Variants in CSMD1 observed in about 807,000 individuals in gnomAD.
CSMD1 encodes the protein CUB and Sushi multiple domains 1.
In CSMD1, 213 loss-of-function variants were observed where a neutral mutation model predicts 417.5. The ratio of observed to expected loss-of-function variants is 0.51; its 90% CI spans 0.46 to 0.57. The LOEUF is 0.57. CSMD1 is among the 20% of genes least tolerant of loss of function. The probability of loss-of-function intolerance (pLI) is 0.00; values close to 1 mark genes in which losing one functional copy is unlikely to be tolerated. For missense variants in CSMD1, 6,923 were observed against 4,529.7 expected (o/e 1.53, Z -15.17); for synonymous variants, 2,862 against 1,736.8 (o/e 1.65, Z -16.11).
chr8:4,840,362 T>C (rs1424277310), intron 1 of CSMD1, among the ~76,000 whole-genome samples: 2 of 152,236 alleles, frequency 1.3e-5, no homozygotes, highest in African/African-American at 4.8e-5. Flanking sequence ...GATAACTGTA[T>C]GAAACTAGCC....
intron 3 of CSMD1, among the ~76,000 whole-genome samples, chr8:4,257,781 T>G (rs932415151): frequency 6.6e-6 from 1 of 152,180 alleles, no homozygotes; most frequent in African/African-American, 2.4e-5. Flanking sequence ...ATCCGCCTCG[T>G]AGGAATGCCA....
At chr8:3,734,656 A>C (rs1017477781) in intron 6 of CSMD1, among the ~76,000 whole-genome samples, 1 of 152,180 alleles carries the variant, frequency 6.6e-6, no homozygotes, top group Non-Finnish European at 1.5e-5. Context: ...GGTCGCAGTG[A>C]GCCAAAACTA....
Position 3,722,181 on chromosome 8 carries a change from C to T in CSMD1, c.932-13690G>A, listed in dbSNP as rs377437540. 5.3e-5 allele frequency among the ~76,000 whole-genome samples: 8 copies of T among 152,242 alleles called. No homozygotes were observed. In the East Asian group the frequency reaches 1.6e-3, roughly 30 times the overall value. ...AAAATTAGCTGGGCATGGTGGCTGG[C>T]ACCTGCAGGCCCACCTACTCGGGAG... On this transcript the variant is annotated intron_variant, in intron 6 of 69. Coordinates refer to ENST00000635120, the MANE Select transcript of CSMD1 (RefSeq NM_033225.6).
intron 18 of CSMD1, among the ~76,000 whole-genome samples, chr8:3,379,591 C>G (rs1585078209): frequency 6.6e-6 from 1 of 152,228 alleles, no homozygotes; most frequent in East Asian, 1.9e-4. Flanking sequence ...TGAAATAACA[C>G]CACATATCTA....
intron 10 of CSMD1, among the ~76,000 whole-genome samples, chr8:3,522,736 G>A (rs1353339398): frequency 6.6e-6 from 1 of 151,846 alleles, no homozygotes; most frequent in African/African-American, 2.4e-5. Context: ...TTAATATGTG[G>A]CATTCGGGAA....
intron 7 of CSMD1, among the ~76,000 whole-genome samples, chr8:3,672,444 G>C (rs541797444): frequency 7.9e-5 from 12 of 152,246 alleles, no homozygotes; most frequent in African/African-American, 2.9e-4. Flanking sequence ...CAGAGTGTGG[G>C]AGCTGACTTT....
Position 3,835,086 on chromosome 8 carries a change from G to A in CSMD1, c.819-81044C>T, listed in dbSNP as rs578047876. Among the ~76,000 whole-genome samples, 79 of 150,370 alleles carry A rather than the reference G, an allele frequency of 5.3e-4. No individual in the cohort carries two copies. The East Asian group carries it at 0.015, about 29-fold the overall frequency. On this transcript the variant is annotated intron_variant, in intron 5 of 69. Transcript: ENST00000635120. Reference sequence around the variant, plus strand: ...GGAAACAACAGGTGCTGGAGAGGATGTAGAGAAATAGGAACACTTTTACAC... The same window carrying A: ...GGAAACAACAGGTGCTGGAGAGGATATAGAGAAATAGGAACACTTTTACAC...
intron 25 of CSMD1, among the ~76,000 whole-genome samples, chr8:3,287,424 C>G (rs1305885495): frequency 1.3e-5 from 2 of 152,088 alleles, no homozygotes; most frequent in African/African-American, 4.8e-5. Flanking sequence ...TTGATTCTTC[C>G]TACCTATGAG....
At chr8:4,965,208 G>A (rs139020529) in intron 1 of CSMD1, among the ~76,000 whole-genome samples, 197 of 152,302 alleles carry the variant, frequency 1.3e-3, no homozygotes, top group African/African-American at 4.2e-3. Context: ...AAGGGCCTCT[G>A]ATATAAGGAT....
chr8:4,055,505 G>A (rs911878682), intron 3 of CSMD1, among the ~76,000 whole-genome samples: 2 of 140,630 alleles, frequency 1.4e-5, no homozygotes, highest in South Asian at 2.2e-4. Context: ...ATATAAATAA[G>A]AGTCAAAATC....
chr8:4,925,592 G>A (rs1230475142), intron 1 of CSMD1, among the ~76,000 whole-genome samples: 5 of 150,732 alleles, frequency 3.3e-5, no homozygotes, highest in African/African-American at 1.2e-4. Context: ...TGTCTCCCAG[G>A]CTGGAGTGCA....
chr8:3,599,712 C>G (rs549316167), intron 8 of CSMD1, among the ~76,000 whole-genome samples: 33 of 152,270 alleles, frequency 2.2e-4, no homozygotes, highest in African/African-American at 7.7e-4. Context: ...TGCTGCATGC[C>G]CAGATTGGCG....
At chr8:3,594,790 G>C (rs901495752) in intron 8 of CSMD1, among the ~76,000 whole-genome samples, 2 of 152,194 alleles carry the variant, frequency 1.3e-5, no homozygotes, top group African/African-American at 2.4e-5. Flanking sequence ...GGTTGGGAAG[G>C]TGTTAACCTC....
chr8:3,308,594 C>G, intron 23 of CSMD1, 91 bp from the exon 24 acceptor site: 1 of 999,242 alleles, frequency 1.0e-6, no homozygotes, highest in Non-Finnish European at 1.5e-6. Context: ...GCTAAATGCT[C>G]CTTGAAGGGT....
chr8:3,671,128 A>G (rs1006264008), intron 7 of CSMD1, among the ~76,000 whole-genome samples: 6 of 147,258 alleles, frequency 4.1e-5, no homozygotes, highest in Non-Finnish European at 9.0e-5. Context: ...TGGGATATAT[A>G]TGTATGGGAT....
intron 4 of CSMD1, among the ~76,000 whole-genome samples, chr8:4,001,438 G>C (rs747853132): frequency 1.3e-5 from 2 of 152,078 alleles, no homozygotes; most frequent in Non-Finnish European, 2.9e-5. Context: ...TCCGGGTAGT[G>C]GATATGAGTT....
At chr8:4,314,870 C>G (rs571624788) in intron 3 of CSMD1, among the ~76,000 whole-genome samples, 2 of 152,262 alleles carry the variant, frequency 1.3e-5, no homozygotes, top group East Asian at 3.9e-4. Flanking sequence ...TGTTAGAAAA[C>G]GCTTCCTGTT....
At position 2,962,412 on chromosome 8, in the gene CSMD1, G is replaced by C. The variant is rs748929194; in HGVS notation, c.9628+54C>G. ...AAATGACCCAATTTCGGAATGAAGC[G>C]TCCTCATCTCCAAATACTCCCAGGT... On this transcript the variant is annotated intron_variant, in intron 61 of 69. Transcript: ENST00000635120. The C allele has an allele frequency of 7.4e-6, 11 of 1,490,772 alleles. No individual in the cohort carries two copies. The South Asian group carries it at 1.2e-4, about 16-fold the overall frequency. The allele number at this position is 1,490,772 out of a possible 1,614,324, so 92.3% of individuals were successfully genotyped here.
intron 1 of CSMD1, among the ~76,000 whole-genome samples, chr8:4,876,962 T>A (rs1431530953): frequency 2.0e-5 from 3 of 152,070 alleles, no homozygotes; most frequent in Non-Finnish European, 4.4e-5. Context: ...TATGTAATTT[T>A]ATGACAATTA....
Sources: gnomAD v4.1 joint callset for allele counts (sites outside exome capture counted in the v4.1 genomes callset) on GRCh38, gnomAD v4.1.1 for gene constraint, MANE v1.5 for transcripts, NCBI Gene and HGNC (gene_info 2026-07-23, HGNC 2026-07-21) for gene names.